Variants in DAB1 observed in about 807,000 individuals in gnomAD.
DAB1 encodes the protein DAB adaptor protein 1.
DAB1 carries 15 observed loss-of-function variants against 64.6 expected under a neutral mutation model. The ratio of observed to expected loss-of-function variants is 0.23; its 90% CI spans 0.16 to 0.36. The LOEUF (loss-of-function observed/expected upper bound fraction) is 0.36, where lower values mean the gene tolerates loss of function less well. Ranked by LOEUF, DAB1 falls within the 10% of genes least tolerant of loss-of-function variation. DAB1 has a pLI of 1.00. For missense variants in DAB1, 596 were observed against 706.7 expected, an observed-to-expected ratio of 0.84 and a Z score of 1.78; for synonymous variants, 235 against 251.9, an observed-to-expected ratio of 0.93 and a Z score of 0.64.
chr1:58,120,739 G>T (rs1448095184), intron 5 of DAB1, among the ~76,000 whole-genome samples: 1 of 152,124 alleles, frequency 6.6e-6, no homozygotes, highest in Admixed American at 6.5e-5. Context: ...AGAACCACGT[G>T]TCCCTTTTTA....
chr1:58,492,612 C>A (rs1469268122), intron 3 of DAB1, among the ~76,000 whole-genome samples: 1 of 152,140 alleles, frequency 6.6e-6, no homozygotes, highest in African/African-American at 2.4e-5. Context: ...GAAATACAAA[C>A]TACCATCAGA....
intron 4 of DAB1, among the ~76,000 whole-genome samples, chr1:58,177,724 GAA>G (rs34780141): frequency 3.0e-4 from 43 of 142,810 alleles, no homozygotes; most frequent in African/African-American, 1.1e-3. Context: ...TCCCGAGAAT[GAA>G]AAAAAAAAAA....
intron 5 of DAB1, among the ~76,000 whole-genome samples, chr1:58,099,967 C>T (rs1651214460): frequency 6.6e-6 from 1 of 152,202 alleles, no homozygotes; most frequent in Admixed American, 6.5e-5. Flanking sequence ...GGTCTTTGCT[C>T]AAGTGTCATC....
chr1:57,546,591 C>T (rs1407850824), intron 7 of DAB1, among the ~76,000 whole-genome samples: 1 of 152,184 alleles, frequency 6.6e-6, no homozygotes, highest in African/African-American at 2.4e-5. Flanking sequence ...TGACTTGATA[C>T]ATGTGCAAAT....
intron 5 of DAB1, among the ~76,000 whole-genome samples, chr1:58,037,588 T>A (rs538998905): frequency 2.0e-4 from 30 of 152,288 alleles, no homozygotes; most frequent in African/African-American, 6.7e-4. Flanking sequence ...CTGATTGAGA[T>A]TGATCTGAGG....
At chr1:58,508,324 C>T (rs1376672970) in intron 2 of DAB1, among the ~76,000 whole-genome samples, 1 of 152,090 alleles carries the variant, frequency 6.6e-6, no homozygotes, top group Non-Finnish European at 1.5e-5. Flanking sequence ...AAATAAGTAA[C>T]AGGTTGACAT....
chr1:57,683,537 C>G (rs575702540), intron 6 of DAB1, among the ~76,000 whole-genome samples: 1 of 152,290 alleles, frequency 6.6e-6, no homozygotes. Flanking sequence ...AATATATATC[C>G]TTGTGAAACC....
At chr1:58,083,888 A>T (rs927423884) in intron 5 of DAB1, among the ~76,000 whole-genome samples, 2 of 152,212 alleles carry the variant, frequency 1.3e-5, no homozygotes, top group Non-Finnish European at 2.9e-5. Flanking sequence ...ACCCGCATGA[A>T]GTCAGGAAGC....
intron 3 of DAB1, among the ~76,000 whole-genome samples, chr1:58,493,683 T>A (rs79036731): frequency 0.17 from 25,877 of 150,074 alleles, 2,288 homozygotes; most frequent in African/African-American, 0.22. Flanking sequence ...TCAAAGAGAA[T>A]AAAATAGCTA....
At chr1:57,437,664 A>G (rs1273411758) in intron 7 of DAB1, among the ~76,000 whole-genome samples, 1 of 152,216 alleles carries the variant, frequency 6.6e-6, no homozygotes, top group Non-Finnish European at 1.5e-5. Flanking sequence ...ACCATTCAAT[A>G]CATACAGATA....
At chr1:57,796,242 T>A (rs1166838619) in intron 6 of DAB1, among the ~76,000 whole-genome samples, 1 of 152,002 alleles carries the variant, frequency 6.6e-6, no homozygotes, top group East Asian at 1.9e-4. Context: ...AAAATAATAA[T>A]CCTGGCTGGG....
chr1:58,204,182 T>C (rs1176762538), intron 4 of DAB1, among the ~76,000 whole-genome samples: 1 of 152,110 alleles, frequency 6.6e-6, no homozygotes, highest in African/African-American at 2.4e-5. Flanking sequence ...AACCGAGTCA[T>C]GAGAGAAAAG....
At chr1:57,283,993 T>C (rs1309345542) in intron 2 of DAB1, among the ~76,000 whole-genome samples, 1 of 152,224 alleles carries the variant, frequency 6.6e-6, no homozygotes, top group Admixed American at 6.5e-5. Context: ...CACGTTTTAA[T>C]GTATACAGAC....
At chr1:57,007,755 T>A (rs562930169) in intron 14 of DAB1, among the ~76,000 whole-genome samples, 1 of 152,206 alleles carries the variant, frequency 6.6e-6, no homozygotes, top group Non-Finnish European at 1.5e-5. Context: ...GACAGGACTC[T>A]TGCTTTCCAA....
intron 7 of DAB1, among the ~76,000 whole-genome samples, chr1:57,596,434 T>C (rs1645510628): frequency 6.6e-6 from 1 of 152,226 alleles, no homozygotes; most frequent in South Asian, 2.1e-4. Context: ...CAATTAATAA[T>C]TAATTACTCA....
intron 3 of DAB1, among the ~76,000 whole-genome samples, chr1:58,370,781 T>A (rs1370167734): frequency 6.6e-6 from 1 of 152,162 alleles, no homozygotes; most frequent in Non-Finnish European, 1.5e-5. Flanking sequence ...ATGGTTTTTA[T>A]CAGTGGCAGT....
At chr1:58,037,213 C>G (rs1266780245) in intron 5 of DAB1, among the ~76,000 whole-genome samples, 1 of 152,180 alleles carries the variant, frequency 6.6e-6, no homozygotes, top group Non-Finnish European at 1.5e-5. Flanking sequence ...ACACAGATTT[C>G]TAGAGGCACC....
chr1:57,129,279 T>C (rs187050385), intron 4 of DAB1, among the ~76,000 whole-genome samples: 4 of 152,292 alleles, frequency 2.6e-5, no homozygotes, highest in African/African-American at 7.2e-5. Context: ...GGCAGGTTCC[T>C]GACAGTGCCA....
intron 3 of DAB1, among the ~76,000 whole-genome samples, chr1:58,485,228 T>TAAAAAAAAAAAAAAAAAAA (rs71043289): frequency 4.8e-5 from 2 of 42,036 alleles, no homozygotes; most frequent in Non-Finnish European, 4.1e-5. Context: ...AGTCTACTAC[T>TAAAAAAAAAAAAAAAAAAA]AAAAAAAAAA....
Sources: allele counts gnomAD v4.1 joint callset (sites outside exome capture counted in the v4.1 genomes callset), GRCh38; gene constraint gnomAD v4.1.1; transcripts MANE v1.5; gene names NCBI Gene and HGNC (gene_info 2026-07-23, HGNC 2026-07-21).